Variants in BEND6 observed in about 807,000 individuals in gnomAD.
BEND6 encodes the protein BEN domain-containing protein 6.
BEND6 carries 24 observed loss-of-function variants against 31.8 expected under a neutral mutation model. That is an observed-to-expected ratio of 0.75 (90% CI 0.55 to 1.06). The LOEUF is 1.06. BEND6 is among the 50% of genes least tolerant of loss of function. BEND6 has a pLI of 0.00. For missense variants in BEND6, 294 were observed against 327.4 expected, an observed-to-expected ratio of 0.90 and a Z score of 0.79; for synonymous variants, 109 against 114.6, an observed-to-expected ratio of 0.95 and a Z score of 0.31.
chr6:56,997,354 T>G (rs1439713983), intron 3 of BEND6, among the ~76,000 whole-genome samples: 2 of 152,176 alleles, frequency 1.3e-5, no homozygotes, highest in Non-Finnish European at 2.9e-5. Context: ...CCTGTTTTGT[T>G]TCCTTTTTGG....
chr6:57,000,321 T>C (rs1419339036), intron 3 of BEND6, among the ~76,000 whole-genome samples: 1 of 152,160 alleles, frequency 6.6e-6, no homozygotes, highest in East Asian at 1.9e-4. Context: ...TGTGCTGTGT[T>C]AACTCAGGGT....
chr6:57,001,351 A>T (rs1176555853), intron 3 of BEND6, among the ~76,000 whole-genome samples: 1 of 152,006 alleles, frequency 6.6e-6, no homozygotes, highest in African/African-American at 2.4e-5. Flanking sequence ...TTTTGAAAAG[A>T]TGGGGTTTTG....
chr6:57,015,426 G>C, intron 4 of BEND6, 73 bp downstream of exon 4: 1 of 1,309,336 alleles, frequency 7.6e-7, no homozygotes, highest in Non-Finnish European at 1.1e-6. Flanking sequence ...GGTGGAAAAT[G>C]ATCATTGTTT....
At chr6:56,965,632 A>G (rs935392170) in intron 1 of BEND6, among the ~76,000 whole-genome samples, 8 of 150,094 alleles carry the variant, frequency 5.3e-5, no homozygotes, top group Admixed American at 4.7e-4. Context: ...GCTGCACTCC[A>G]GTCTCTGTGA....
At chr6:57,003,958 AG>A (rs1240080628) in intron 3 of BEND6, among the ~76,000 whole-genome samples, 1 of 152,226 alleles carries the variant, frequency 6.6e-6, no homozygotes, top group Non-Finnish European at 1.5e-5. Flanking sequence ...ATGTGGAAAA[AG>A]CTTTAAATAA....
intron 3 of BEND6, chr6:57,014,003 G>A (rs1479381076): frequency 2.6e-5 from 4 of 152,390 alleles, no homozygotes; most frequent in African/African-American, 9.6e-5. Flanking sequence ...TTGCCTAATT[G>A]ACTTCATCTG....
chr6:57,004,648 G>A (rs1827085347), intron 3 of BEND6: 3 of 1,169,274 alleles, frequency 2.6e-6, no homozygotes, highest in Non-Finnish European at 2.5e-6. Flanking sequence ...GAATGCAATG[G>A]AGTGGGCATT....
intron 1 of BEND6, among the ~76,000 whole-genome samples, chr6:56,974,494 A>T (rs1372353958): frequency 6.6e-6 from 1 of 152,246 alleles, no homozygotes. Context: ...TTCATAAACA[A>T]AGTCTAATTG....
chr6:56,980,469 G>C (rs893813970), intron 1 of BEND6, among the ~76,000 whole-genome samples: 1 of 152,202 alleles, frequency 6.6e-6, no homozygotes, highest in Non-Finnish European at 1.5e-5. Context: ...GGTTACAGGT[G>C]TGAGCCACTG....
intron 6 of BEND6, 139 bp from the exon 7 acceptor site, chr6:57,025,943 T>C (rs149264453): frequency 6.6e-6 from 1 of 152,192 alleles, no homozygotes; most frequent in Admixed American, 6.5e-5. Context: ...ACTGCTATTT[T>C]GGAACCAGAG....
intron 1 of BEND6, among the ~76,000 whole-genome samples, chr6:56,956,086 C>T (rs1175633942): frequency 6.6e-6 from 1 of 152,218 alleles, no homozygotes; most frequent in Non-Finnish European, 1.5e-5. Flanking sequence ...GGTGCTGTGC[C>T]GCGTTCTGCT....
At chr6:56,969,914 G>T (rs551306216) in intron 1 of BEND6, among the ~76,000 whole-genome samples, 6 of 152,062 alleles carry the variant, frequency 3.9e-5, no homozygotes, top group African/African-American at 1.4e-4. Context: ...TAATTTGGAT[G>T]TTGCTTAGGA....
chr6:57,021,188 A>G (rs1827730616), intron 6 of BEND6, among the ~76,000 whole-genome samples: 3 of 152,228 alleles, frequency 2.0e-5, no homozygotes. Context: ...GTATGGTTGA[A>G]TTCAAATTAT....
intron 1 of BEND6, among the ~76,000 whole-genome samples, chr6:56,967,527 G>T (rs1825526597): frequency 6.6e-6 from 1 of 152,130 alleles, no homozygotes; most frequent in Non-Finnish European, 1.5e-5. Context: ...TGAAAAGAGA[G>T]TTCGGGAGCC....
At chr6:56,974,905 G>A (rs1825819583) in intron 1 of BEND6, among the ~76,000 whole-genome samples, 1 of 152,092 alleles carries the variant, frequency 6.6e-6, no homozygotes, top group South Asian at 2.1e-4. Context: ...TGGATCACCT[G>A]AGGTCAGGAG....
rs1308127759 is a variant in BEND6, at chr6:56,964,010, T to C, written c.-101+8550T>C. Among the ~76,000 whole-genome samples the C allele has an allele frequency of 5.7e-5, 7 of 122,668 alleles. 1 individual carries two copies. In the South Asian group the frequency reaches 1.5e-3, roughly 26 times the overall value. 80.5% of individuals were successfully genotyped at this position (122,668 alleles called of 152,430 possible). A position where few individuals can be genotyped will look rare whatever the true frequency, so the allele number is the denominator to read the frequency against. On this transcript the variant is annotated intron_variant, in intron 1 of 6. Transcript: ENST00000370746. ...TAATTATTGTTATAAAATAAGATAGTAGTAATTATATTATTACAATTAATA... is the reference window on the plus strand; with the variant it reads ...TAATTATTGTTATAAAATAAGATAGCAGTAATTATATTATTACAATTAATA...
At chr6:56,957,831 A>G (rs554495266) in intron 1 of BEND6, among the ~76,000 whole-genome samples, 1 of 152,226 alleles carries the variant, frequency 6.6e-6, no homozygotes, top group Non-Finnish European at 1.5e-5. Context: ...TATGTAGAAG[A>G]TGGTCCATTA....
At chr6:56,998,207 TATA>T (rs1284303824) in intron 3 of BEND6, among the ~76,000 whole-genome samples, 1 of 152,200 alleles carries the variant, frequency 6.6e-6, no homozygotes, top group African/African-American at 2.4e-5. Flanking sequence ...AAATCTCTTG[TATA>T]ATACTATTAA....
In BEND6 at chr6:57,018,532, C is replaced by G. The variant is rs370357907; in HGVS notation, c.824C>G (p.Ser275Cys). 1.6e-5 allele frequency: 25 copies of G among 1,564,686 alleles called. No individual in the cohort carries two copies. The highest frequency in any genetic ancestry group is 4.1e-5 in the Admixed American group (2 of 48,336). Reference protein sequence around the residue: ...KKPNLSKNLNSQDIK With the variant: ...KKPNLSKNLNCQDIK ...CCAAATTTAAGCAAAAATCTTAACT[C>G]TCAGGATATTAAATAGATCCTTTTG... Residue 275 changes from serine to cysteine, a missense_variant, in exon 6 of 7, where the codon TCT becomes TGT. Ser to Cys is a moderately radical substitution (Grantham distance 112, BLOSUM62 -1). Coordinates refer to ENST00000370746, the MANE Select transcript of BEND6 (RefSeq NM_152731.3).
Sources: allele counts gnomAD v4.1 joint callset (sites outside exome capture counted in the v4.1 genomes callset), GRCh38; gene constraint gnomAD v4.1.1; transcripts MANE v1.5; gene names NCBI Gene and HGNC (gene_info 2026-07-23, HGNC 2026-07-21).